The following MKLN1 variants were observed in gnomAD, a reference collection of about 807,000 sequenced individuals.
MKLN1 encodes the protein muskelin.
A neutral mutation model predicts 99.0 loss-of-function variants in MKLN1; 18 were observed. That is an observed-to-expected ratio of 0.18 (90% CI 0.13 to 0.27). The LOEUF is 0.27. MKLN1 is among the 10% of genes least tolerant of loss of function. The probability of loss-of-function intolerance (pLI) is 1.00; values close to 1 mark genes in which losing one functional copy is unlikely to be tolerated. For synonymous variants in MKLN1, 288 were observed against 293.2 expected (o/e 0.98, Z 0.18); for missense variants, 621 against 875.9 (o/e 0.71, Z 3.67).
chr7:131,163,550 C>T (rs181416474), intron 2 of MKLN1, among the ~76,000 whole-genome samples: 1 of 152,202 alleles, frequency 6.6e-6, no homozygotes, highest in African/African-American at 2.4e-5. Flanking sequence ...TAATTTCATC[C>T]CATTTCATTC....
chr7:131,452,459 G>T (rs932964582), intron 12 of MKLN1, among the ~76,000 whole-genome samples: 2 of 151,350 alleles, frequency 1.3e-5, no homozygotes, highest in African/African-American at 4.9e-5. Flanking sequence ...TTTTCATTTT[G>T]GCCCTGGGAA....
chr7:131,201,173 C>A (rs917588640), intron 2 of MKLN1, among the ~76,000 whole-genome samples: 2 of 152,168 alleles, frequency 1.3e-5, no homozygotes, highest in African/African-American at 4.8e-5. Flanking sequence ...GCACCCACCA[C>A]CACACCTGGC....
At chr7:131,195,656 G>C (rs1282047349) in intron 2 of MKLN1, among the ~76,000 whole-genome samples, 2 of 151,988 alleles carry the variant, frequency 1.3e-5, no homozygotes, top group Non-Finnish European at 2.9e-5. Context: ...TTGGGAGACT[G>C]TTAATAGTAG....
rs964816341 is a variant in MKLN1, at chr7:131,494,123, C to A, written c.*6395C>A. On this transcript the variant is annotated 3_prime_UTR_variant, in exon 18 of 18. Coordinates refer to ENST00000352689, the MANE Select transcript of MKLN1 (RefSeq NM_013255.5). ...CTTGTAACACAGAATTGAACTGATA[C>A]TAGTTTCCTTGCCTTAAATTAATTA... 5 of 152,188 alleles carry A rather than the reference C, an allele frequency of 3.3e-5. No individual in the cohort carries two copies. The highest frequency in any genetic ancestry group is 1.2e-4 in the African/African-American group (5 of 41,450). The allele number at this position is 152,188 out of a possible 1,614,324, so 9.4% of individuals were successfully genotyped here.
intron 12 of MKLN1, among the ~76,000 whole-genome samples, chr7:131,447,608 G>C (rs945820725): frequency 6.6e-6 from 1 of 152,126 alleles, no homozygotes; most frequent in Non-Finnish European, 1.5e-5. Flanking sequence ...CCCTGAAAAA[G>C]GTAGTGAAGA....
intron 3 of MKLN1, among the ~76,000 whole-genome samples, chr7:131,304,269 G>A (rs1265399835): frequency 6.6e-6 from 1 of 152,194 alleles, no homozygotes; most frequent in Non-Finnish European, 1.5e-5. Flanking sequence ...TACTCAGGAG[G>A]CTGAAGAGAT....
intron 3 of MKLN1, among the ~76,000 whole-genome samples, chr7:131,216,140 C>T (rs1796977822): frequency 6.6e-6 from 1 of 152,164 alleles, no homozygotes; most frequent in Non-Finnish European, 1.5e-5. Flanking sequence ...TGGCTCATGC[C>T]TCTAATCCCA....
intron 12 of MKLN1, among the ~76,000 whole-genome samples, chr7:131,451,971 A>C (rs1796192734): frequency 6.6e-6 from 1 of 152,208 alleles, no homozygotes; most frequent in Admixed American, 6.5e-5. Flanking sequence ...TCATTTGCCA[A>C]ATGCTAAGTC....
At chr7:131,430,247 A>G (rs1260871737) in intron 9 of MKLN1, among the ~76,000 whole-genome samples, 1 of 152,022 alleles carries the variant, frequency 6.6e-6, no homozygotes, top group African/African-American at 2.4e-5. Flanking sequence ...ATCCTGGGGA[A>G]CTAGGTTCTT....
rs879927567 is a variant in MKLN1 at position 131,419,706 on chromosome 7, G to T, written c.847+4996G>T. Among the ~76,000 whole-genome samples, 10 of 151,964 alleles carry T rather than the reference G, an allele frequency of 6.6e-5. No individual in the cohort carries two copies. In the East Asian group the frequency reaches 7.7e-4, roughly 12 times the overall value. On this transcript the variant is annotated intron_variant, in intron 8 of 17. Coordinates refer to ENST00000352689, the MANE Select transcript of MKLN1 (RefSeq NM_013255.5). Reference sequence around the variant, plus strand: ...CATTGCCACCTTTCTACTACTCTTGGTTTTTTTTCCAGAATTTTTGTTGCT... The same window carrying T: ...CATTGCCACCTTTCTACTACTCTTGTTTTTTTTTCCAGAATTTTTGTTGCT...
chr7:131,378,200 C>T (rs1319467505), intron 2 of MKLN1, among the ~76,000 whole-genome samples: 4 of 152,178 alleles, frequency 2.6e-5, no homozygotes, highest in Non-Finnish European at 5.9e-5. Context: ...CAGCCTCCAC[C>T]TCCTGGGCTC....
In MKLN1 at chr7:131,473,977, C is replaced by T. The variant is rs138581523; in HGVS notation, c.2031+3033C>T. Among the ~76,000 whole-genome samples, 534 of 152,150 alleles carry T rather than the reference C, an allele frequency of 3.5e-3. 2 individuals are homozygous for T. Among genetic ancestry groups the T allele is most frequent in the African/African-American group, 0.012 (508 of 41,492 alleles). ...CAGCCTGGCCAACATGGTAAAACTC[C>T]GTCTCTACTAAAAATACAAAAAATT... On this transcript the variant is annotated intron_variant, in intron 16 of 17. Transcript: ENST00000352689.
rs148611496 is a variant in MKLN1 at position 131,248,384 on chromosome 7, C to T, written c.-179+45410C>T. Among the ~76,000 whole-genome samples, 701 of 152,198 alleles carry T rather than the reference C, an allele frequency of 4.6e-3. 9 individuals are homozygous for T. The highest frequency in any genetic ancestry group is 0.016 in the African/African-American group (673 of 41,520). ...TTACCCCTCTATCTCTGCTGGTACC[C>T]CAGTTATCCTTTCTACAAACGAAAT... On this transcript the variant is annotated intron_variant, in intron 3 of 7. Coordinates refer to the MKLN1 transcript ENST00000416992.
intron 1 of MKLN1, among the ~76,000 whole-genome samples, chr7:131,364,335 A>G (rs1343169767): frequency 6.6e-6 from 1 of 152,132 alleles, no homozygotes; most frequent in Admixed American, 6.5e-5. Context: ...AAAACTTTCT[A>G]GACTTCCTGT....
chr7:131,327,845 C>G, upstream of MKLN1: 1 of 1,597,962 alleles, frequency 6.3e-7, no homozygotes, highest in Non-Finnish European at 8.5e-7. Context: ...CACGCCCCCT[C>G]CCCTCCTCCC....
chr7:131,466,459 C>G, intron 15 of MKLN1, 44 bp downstream of exon 15: 1 of 1,394,766 alleles, frequency 7.2e-7, no homozygotes, highest in Non-Finnish European at 9.7e-7. Context: ...ACATTATCAG[C>G]TATATTTCTC....
intron 1 of MKLN1, among the ~76,000 whole-genome samples, chr7:131,138,335 C>T (rs1795682657): frequency 6.6e-6 from 1 of 152,106 alleles, no homozygotes; most frequent in Non-Finnish European, 1.5e-5. Flanking sequence ...TTATTTGAAG[C>T]ATCATTTCAT....
At chr7:131,352,790 A>G (rs750343923) in intron 1 of MKLN1, among the ~76,000 whole-genome samples, 10 of 152,114 alleles carry the variant, frequency 6.6e-5, no homozygotes, top group South Asian at 4.1e-4. Context: ...AACTTGATAC[A>G]CAGGTTCATT....
At chr7:131,160,998 G>A (rs956889110) in intron 2 of MKLN1, among the ~76,000 whole-genome samples, 1 of 152,112 alleles carries the variant, frequency 6.6e-6, no homozygotes, top group Non-Finnish European at 1.5e-5. Flanking sequence ...TCAGTACCCT[G>A]AAGGTCATTG....
Sources: gnomAD v4.1 joint callset for allele counts (sites outside exome capture counted in the v4.1 genomes callset) on GRCh38, gnomAD v4.1.1 for gene constraint, MANE v1.5 for transcripts, NCBI Gene and HGNC (gene_info 2026-07-23, HGNC 2026-07-21) for gene names.